Variants in THADA observed in about 807,000 individuals in gnomAD.
THADA encodes the protein tRNA (32-2'-O)-methyltransferase regulator THADA.
THADA carries 213 observed loss-of-function variants against 219.8 expected under a neutral mutation model. The ratio of observed to expected loss-of-function variants is 0.97; its 90% CI spans 0.87 to 1.09. The LOEUF (loss-of-function observed/expected upper bound fraction) is 1.09. Among genes scored for constraint, THADA ranks in the 50% least tolerant of loss-of-function variants. The probability of loss-of-function intolerance (pLI) is 0.00; values close to 1 mark genes in which losing one functional copy is unlikely to be tolerated. For synonymous variants in THADA, 1,018 were observed against 828.9 expected, an observed-to-expected ratio of 1.23 and a Z score of -3.92; for missense variants, 2,956 against 2,311.3, an observed-to-expected ratio of 1.28 and a Z score of -5.72.
chr2:43,552,360 A>G (rs1019487778), intron 17 of THADA, 21 bp from the exon 18 acceptor site: 3 of 1,580,046 alleles, frequency 1.9e-6, no homozygotes, highest in Non-Finnish European at 2.6e-6. Context: ...CAAACAGAAA[A>G]TCAAAGTAAT....
intron 27 of THADA, among the ~76,000 whole-genome samples, chr2:43,429,437 T>C (rs1236692911): frequency 1.3e-5 from 2 of 152,108 alleles, no homozygotes; most frequent in Non-Finnish European, 2.9e-5. Context: ...TGGTGAACTA[T>C]AAGACTGGAA....
At chr2:43,250,019 A>G (rs1453039072) in intron 36 of THADA, among the ~76,000 whole-genome samples, 1 of 152,166 alleles carries the variant, frequency 6.6e-6, no homozygotes, top group Non-Finnish European at 1.5e-5. Flanking sequence ...AAGTCAAAGA[A>G]TTACCATGTG....
intron 34 of THADA, among the ~76,000 whole-genome samples, chr2:43,288,545 GACAGATAC>G: frequency 6.6e-6 from 1 of 152,198 alleles, no homozygotes; most frequent in Admixed American, 6.5e-5. Flanking sequence ...CAGATGAAAA[GACAGATAC>G]ACAGGGAGAG....
At chr2:43,558,759 C>T (rs1446487644) in intron 16 of THADA, among the ~76,000 whole-genome samples, 3 of 152,166 alleles carry the variant, frequency 2.0e-5, no homozygotes, top group Admixed American at 6.5e-5. Flanking sequence ...TTTATATATA[C>T]ATCTATCCTA....
Position 43,355,740 on chromosome 2 carries a change from GA to G in THADA, c.4228-11504del, listed in dbSNP as rs1668804887. 2.0e-5 allele frequency among the ~76,000 whole-genome samples: 3 copies of G among 152,090 alleles called. No homozygotes were observed. In the South Asian group the frequency reaches 6.2e-4, roughly 31 times the overall value. The stretch of plus-strand genomic sequence containing the variant: ...TCCAGTTTTCCCAGCACCATTTACT[GA>G]AAAAACTATCCCTTTCCCACTGCAG... On this transcript the variant is annotated intron_variant, in intron 29 of 37. Coordinates refer to ENST00000405975, the MANE Select transcript of THADA (RefSeq NM_022065.5).
At chr2:43,372,596 C>A (rs1670931666) in intron 29 of THADA, among the ~76,000 whole-genome samples, 1 of 152,158 alleles carries the variant, frequency 6.6e-6, no homozygotes, top group African/African-American at 2.4e-5. Context: ...ACCCACTCAA[C>A]ACAGCCAACA....
At chr2:43,324,625 A>C (rs1220915205) in intron 30 of THADA, among the ~76,000 whole-genome samples, 2 of 152,090 alleles carry the variant, frequency 1.3e-5, no homozygotes, top group Non-Finnish European at 2.9e-5. Context: ...CAGGAAAATA[A>C]TTTTTTTCAT....
intron 26 of THADA, among the ~76,000 whole-genome samples, chr2:43,477,895 T>A (rs538682707): frequency 6.6e-6 from 1 of 152,332 alleles, no homozygotes; most frequent in South Asian, 2.1e-4. Context: ...ACATCTCTGT[T>A]TATGTTACAT....
intron 36 of THADA, among the ~76,000 whole-genome samples, chr2:43,239,170 C>T (rs1248486247): frequency 1.3e-5 from 2 of 152,188 alleles, no homozygotes; most frequent in East Asian, 1.9e-4. Flanking sequence ...GAAGGGATAA[C>T]TCACTGGGAC....
chr2:43,297,272 C>T (rs1376160490), intron 31 of THADA, among the ~76,000 whole-genome samples: 2 of 109,958 alleles, frequency 1.8e-5, no homozygotes, highest in African/African-American at 9.7e-5. Flanking sequence ...CCGGCCACCC[C>T]GTCTGAGAAG....
intron 37 of THADA, among the ~76,000 whole-genome samples, 155 bp from the exon 38 acceptor site, chr2:43,231,498 C>A (rs1667414220): frequency 6.6e-6 from 1 of 152,344 alleles, no homozygotes; most frequent in South Asian, 2.1e-4. Flanking sequence ...TGTACACACA[C>A]CACTTGCAGC....
At chr2:43,244,850 C>T (rs1474177013) in intron 36 of THADA, among the ~76,000 whole-genome samples, 1 of 152,172 alleles carries the variant, frequency 6.6e-6, no homozygotes, top group African/African-American at 2.4e-5. Context: ...AAGTGCCTTG[C>T]ACTTCATTCC....
At position 43,552,316 on chromosome 2, in the gene THADA, G is replaced by T. The variant is rs144484852; in HGVS notation, c.2698C>A (p.Leu900Ile). The T allele has an allele frequency of 3.1e-6, 5 of 1,594,738 alleles. No individual in the cohort carries two copies. ...LMVIKCLMEN[L>I]EEEVSQAENS... ...TCAGCCTGAGATACTTCTTCCTCAA[G>T]ATTTTCCATCAAGCATTTGATAACT... Residue 900 changes from leucine (L) to isoleucine (I), a missense_variant, in exon 18 of 38, where the codon CTT becomes ATT. Coordinates refer to ENST00000405975, the MANE Select transcript of THADA (RefSeq NM_022065.5).
intron 29 of THADA, among the ~76,000 whole-genome samples, chr2:43,365,396 C>T (rs143248818): frequency 1.9e-3 from 290 of 151,980 alleles, no homozygotes; most frequent in African/African-American, 6.6e-3. Context: ...TAGAGTGAAA[C>T]CCCGTCTCCA....
At chr2:43,312,999 C>G (rs534913055) in intron 31 of THADA, among the ~76,000 whole-genome samples, 2 of 152,176 alleles carry the variant, frequency 1.3e-5, no homozygotes, top group East Asian at 1.9e-4. Context: ...TTGTAAGATG[C>G]CAGTGTTTGT....
rs77692845 is a variant in THADA, at chr2:43,470,456, G to A, written c.3836+14778C>T. Among the ~76,000 whole-genome samples the A allele has an allele frequency of 7.6e-3, 1,153 of 152,148 alleles. 13 individuals are homozygous for A. The highest frequency in any genetic ancestry group is 0.026 in the African/African-American group (1,075 of 41,492). On this transcript the variant is annotated intron_variant, in intron 26 of 37. Coordinates refer to ENST00000405975, the MANE Select transcript of THADA (RefSeq NM_022065.5). The stretch of plus-strand genomic sequence containing the variant: ...AGAATTATCAAGTAAACTACGATTT[G>A]TCCATTATAAGGAATGTTACTTAAG...
At chr2:43,545,750 T>A (rs1695944222) in intron 20 of THADA, among the ~76,000 whole-genome samples, 2 of 152,012 alleles carry the variant, frequency 1.3e-5, no homozygotes, top group Non-Finnish European at 2.9e-5. Flanking sequence ...TGCGTCTATT[T>A]GATTCTTCTC....
chr2:43,544,842 C>T (rs1390342885), intron 20 of THADA, among the ~76,000 whole-genome samples: 1 of 150,618 alleles, frequency 6.6e-6, no homozygotes, highest in Admixed American at 6.6e-5. Context: ...TTGACTTCCT[C>T]TTTTCCTAAC....
intron 15 of THADA, chr2:43,565,780 A>G (rs1463600983): frequency 6.6e-6 from 1 of 152,338 alleles, no homozygotes; most frequent in Non-Finnish European, 1.5e-5. Context: ...ATATACACAC[A>G]TATACAGGGA....
Sources: gnomAD v4.1 joint callset for allele counts (sites outside exome capture counted in the v4.1 genomes callset) on GRCh38, gnomAD v4.1.1 for gene constraint, MANE v1.5 for transcripts, NCBI Gene and HGNC (gene_info 2026-07-23, HGNC 2026-07-21) for gene names.